The following OPHN1 variants were observed in gnomAD, a reference collection of about 807,000 sequenced individuals.
OPHN1 encodes the protein oligophrenin 1.
In OPHN1, 11 loss-of-function variants were observed where a neutral mutation model predicts 60.7. The ratio of observed to expected loss-of-function variants is 0.18; its 90% CI spans 0.11 to 0.30. OPHN1 has a LOEUF of 0.30. Ranked by LOEUF, OPHN1 falls within the 10% of genes least tolerant of loss-of-function variation. OPHN1 has a pLI of 1.00. For missense variants in OPHN1, 449 were observed against 611.0 expected, an observed-to-expected ratio of 0.73 and a Z score of 2.80; for synonymous variants, 226 against 222.6, an observed-to-expected ratio of 1.02 and a Z score of -0.14.
At chrX:68,049,215 C>T (rs767786648) in intron 23 of OPHN1, among the ~76,000 whole-genome samples, 447 of 111,906 alleles carry the variant, frequency 4.0e-3, no homozygotes, top group Non-Finnish European at 6.0e-3. Flanking sequence ...CCAGCTCCAA[C>T]TGCTAGCCTA....
intron 5 of OPHN1, among the ~76,000 whole-genome samples, chrX:68,257,318 G>A (rs2077868915): frequency 8.9e-6 from 1 of 112,518 alleles, no homozygotes; most frequent in South Asian, 3.6e-4. Context: ...AGCTTTTCTG[G>A]CATATGGCTG....
chrX:68,048,740 C>A (rs2076840647), intron 23 of OPHN1, among the ~76,000 whole-genome samples: 1 of 112,005 alleles, frequency 8.9e-6, no homozygotes, highest in African/African-American at 3.3e-5. Flanking sequence ...TGGCTGCAGA[C>A]CACGAACTAC....
At chrX:68,222,373 A>G (rs371836713) in intron 6 of OPHN1, among the ~76,000 whole-genome samples, 19,458 of 106,386 alleles carry the variant, frequency 0.18, 1,702 homozygotes, top group African/African-American at 0.31. Context: ...CAGTGTGGCG[A>G]TTCCTCAGGG....
intron 6 of OPHN1, among the ~76,000 whole-genome samples, chrX:68,214,800 C>T (rs1435057754): frequency 1.8e-5 from 2 of 110,937 alleles, no homozygotes; most frequent in Non-Finnish European, 3.8e-5. Context: ...AGTTCAAGAC[C>T]AGCTTGGCCA....
At chrX:68,199,659 A>C (rs778373589) in intron 11 of OPHN1, among the ~76,000 whole-genome samples, 1 of 111,940 alleles carries the variant, frequency 8.9e-6, no homozygotes, top group South Asian at 3.8e-4. Flanking sequence ...CATGTCACTC[A>C]AAAGACTCCA....
At chrX:68,050,207 A>G (rs888035509) in intron 23 of OPHN1, among the ~76,000 whole-genome samples, 3 of 111,576 alleles carry the variant, frequency 2.7e-5, no homozygotes, top group African/African-American at 9.8e-5. Flanking sequence ...TGCTTTCCCT[A>G]TGTGGATGCT....
intron 7 of OPHN1, among the ~76,000 whole-genome samples, chrX:68,213,651 T>G (rs2077595237): frequency 1.2e-5 from 1 of 83,837 alleles, no homozygotes; most frequent in African/African-American, 4.5e-5. Flanking sequence ...AGAAAGAAAA[T>G]AGCCATAGAA....
chrX:68,113,385 C>T (rs1467975645), intron 16 of OPHN1, 146 bp from the exon 17 acceptor site: 4 of 501,005 alleles, frequency 8.0e-6, no homozygotes, highest in Non-Finnish European at 1.4e-5. Flanking sequence ...GAAGCTTCGT[C>T]AGGGAATCCA....
intron 12 of OPHN1, among the ~76,000 whole-genome samples, 167 bp downstream of exon 12, chrX:68,197,019 T>C (rs1214692035): frequency 9.0e-6 from 1 of 111,301 alleles, no homozygotes. Flanking sequence ...TTTCTGGAAC[T>C]CCAGTTGCCT....
At chrX:68,122,308 A>G (rs1487231868) in intron 15 of OPHN1, among the ~76,000 whole-genome samples, 2 of 111,794 alleles carry the variant, frequency 1.8e-5, no homozygotes, top group African/African-American at 6.5e-5. Context: ...ATGCTCTCTA[A>G]TGCAGATATG....
intron 2 of OPHN1, among the ~76,000 whole-genome samples, chrX:68,327,517 C>T (rs1160377880): frequency 6.1e-5 from 2 of 32,722 alleles, no homozygotes; most frequent in African/African-American, 3.4e-4. Context: ...GCTGTGTCCA[C>T]TCAGGGTTAG....
intron 15 of OPHN1, among the ~76,000 whole-genome samples, chrX:68,145,783 T>A (rs2077261356): frequency 1.8e-5 from 2 of 112,272 alleles, no homozygotes; most frequent in Non-Finnish European, 3.8e-5. Context: ...TGAATCCTTC[T>A]ACAGCTCACT....
chrX:68,253,404 T>C (rs962220866), intron 5 of OPHN1, among the ~76,000 whole-genome samples: 5 of 111,287 alleles, frequency 4.5e-5, no homozygotes, highest in African/African-American at 1.6e-4. Context: ...CCCAAAATAT[T>C]ATATTTATGG....
At chrX:68,254,843 C>T (rs916494796) in intron 5 of OPHN1, among the ~76,000 whole-genome samples, 2 of 108,849 alleles carry the variant, frequency 1.8e-5, no homozygotes, top group African/African-American at 6.7e-5. Context: ...ATGGTGAAAC[C>T]CCGTCTCTGC....
intron 6 of OPHN1, among the ~76,000 whole-genome samples, chrX:68,217,415 G>A (rs1379943694): frequency 8.9e-6 from 1 of 112,142 alleles, no homozygotes; most frequent in Non-Finnish European, 1.9e-5. Context: ...CTCGAACTGG[G>A]TGGAGCCCAC....
At chrX:68,169,941 T>C (rs1398024049) in intron 15 of OPHN1, among the ~76,000 whole-genome samples, 1 of 107,908 alleles carries the variant, frequency 9.3e-6, no homozygotes, top group Non-Finnish European at 1.9e-5. Context: ...GGGATCTAAT[T>C]AAACTAAAGA....
chrX:68,319,463 T>C, intron 2 of OPHN1, among the ~76,000 whole-genome samples: 1 of 111,208 alleles, frequency 9.0e-6, no homozygotes, highest in Non-Finnish European at 1.9e-5. Flanking sequence ...TGACTGGGCA[T>C]GGTGGCTCAT....
At chrX:68,296,582 C>T (rs1206602353) in intron 3 of OPHN1, among the ~76,000 whole-genome samples, 2 of 104,449 alleles carry the variant, frequency 1.9e-5, no homozygotes, top group Non-Finnish European at 3.9e-5. Context: ...CACTTGAACC[C>T]GGGAGGCAGA....
intron 2 of OPHN1, among the ~76,000 whole-genome samples, chrX:68,419,766 A>G (rs1324138333): frequency 2.7e-5 from 3 of 110,685 alleles, no homozygotes; most frequent in Middle Eastern, 4.2e-3. Context: ...GTCTCGAACT[A>G]CTGAGCTCCA....
Sources: allele counts gnomAD v4.1 joint callset (sites outside exome capture counted in the v4.1 genomes callset), GRCh38; gene constraint gnomAD v4.1.1; transcripts MANE v1.5; gene names NCBI Gene and HGNC (gene_info 2026-07-23, HGNC 2026-07-21).